The following ABL2 variants were observed in gnomAD, a reference collection of about 807,000 sequenced individuals.
ABL2 encodes ABL proto-oncogene 2, non-receptor tyrosine kinase, also known as tyrosine-protein kinase ABL2.
ABL2 carries 49 observed loss-of-function variants against 107.7 expected under a neutral mutation model. That is an observed-to-expected ratio of 0.45 (90% CI 0.36 to 0.58). ABL2 has a LOEUF of 0.58. Ranked by LOEUF, ABL2 falls within the 20% of genes least tolerant of loss-of-function variation. The pLI, the probability that ABL2 is intolerant of heterozygous loss-of-function variation, is 0.00. For synonymous variants in ABL2, 549 were observed against 548.6 expected (o/e 1.00, Z -0.01); for missense variants, 1,245 against 1,457.0 (o/e 0.85, Z 2.37).
In ABL2 at chr1:179,107,212, T is replaced by A. The variant is rs1439145030; in HGVS notation, c.*506A>T. ...TCTTATTACAGCAGCAATGGCCTTG[T>A]GGAAGCAAGGCTAACAGCTACTTCC... On this transcript the variant is annotated 3_prime_UTR_variant, in exon 12 of 12. Transcript: ENST00000502732. 8.5e-6 allele frequency: 2 copies of A among 234,816 alleles called. No individual in the cohort carries two copies. The highest frequency in any genetic ancestry group is 1.2e-4 in the East Asian group (2 of 16,402). The allele number at this position is 234,816 out of a possible 1,614,324, so 14.5% of individuals were successfully genotyped here. A position where few individuals can be genotyped will look rare whatever the true frequency, so the allele number is the denominator to read the frequency against.
Position 179,110,287 on chromosome 1 carries a change from G to A in ABL2, c.1820C>T (p.Ala607Val), listed in dbSNP as rs185583542. ...ACCTGCTAAGGGACCCATACCTGGT[G>A]CTAAACTGGAAGCAGAATTTTCTGT... The part of the protein sequence containing the change: ...DATENSASSL[A>V]PGFIRGAQAS... Residue 607 changes from alanine (A) to valine (V), a missense_variant, in exon 11 of 12, where the codon GCA becomes GTA. Physicochemically the swap from Ala to Val is moderately conservative, Grantham distance 64. Transcript: ENST00000502732. 21 of 1,614,192 alleles carry A rather than the reference G, an allele frequency of 1.3e-5. No individual in the cohort carries two copies. In the Middle Eastern group the frequency reaches 5.0e-4, roughly 38 times the overall value.
At position 179,206,215 on chromosome 1, in the gene ABL2, C is replaced by T. The variant is rs367885677; in HGVS notation, c.157+23026G>A. Among the ~76,000 whole-genome samples the T allele has an allele frequency of 3.5e-4, 54 of 152,194 alleles. No homozygotes were observed. The East Asian group carries it at 9.3e-3, about 26-fold the overall frequency. On this transcript the variant is annotated intron_variant, in intron 1 of 11. Coordinates refer to ENST00000502732, the MANE Select transcript of ABL2 (RefSeq NM_007314.4). ...ACTGTGATATTGGCACATTATTTGA[C>T]AGGCAAATTAAGAGAACATAAAGTG...
At chr1:179,174,887 C>A (rs1278517555) in intron 1 of ABL2, among the ~76,000 whole-genome samples, 1 of 116,830 alleles carries the variant, frequency 8.6e-6, no homozygotes. Flanking sequence ...AGAGCAGAGA[C>A]TCTGTCTCAA....
chr1:179,105,830 C>T lies in ABL2; in HGVS notation c.*1888G>A. On this transcript the variant is annotated 3_prime_UTR_variant, in exon 12 of 12. Coordinates refer to ENST00000502732, the MANE Select transcript of ABL2 (RefSeq NM_007314.4). ...TATTCTAGCCCAATTCATATAATCT[C>T]AACAATTCTTAATTTCATTAATATT... is the stretch of plus-strand genomic sequence containing the variant. 1 of 224,894 alleles carries T rather than the reference C, an allele frequency of 4.4e-6. No individual in the cohort carries two copies. The highest frequency in any genetic ancestry group is 8.9e-6 in the Non-Finnish European group (1 of 112,926). The allele number at this position is 224,894 out of a possible 1,614,324, so 13.9% of individuals were successfully genotyped here.
At chr1:179,194,965 C>A (rs945738278) in intron 1 of ABL2, among the ~76,000 whole-genome samples, 1 of 152,102 alleles carries the variant, frequency 6.6e-6, no homozygotes, top group African/African-American at 2.4e-5. Context: ...TGCCCAACAT[C>A]ACTAATAATT....
chr1:179,175,290 G>GATGTCAATGCCAGAGAGAGAAA (rs547260292), intron 1 of ABL2, among the ~76,000 whole-genome samples: 3,339 of 152,180 alleles, frequency 0.022, 64 homozygotes, highest in Middle Eastern at 0.054. Context: ...ATAGCAATAG[G>GATGTCAATGCCAGAGAGAGAAA]ATGTCAATGC....
intron 1 of ABL2, among the ~76,000 whole-genome samples, chr1:179,198,295 G>A (rs1661442230): frequency 6.6e-6 from 1 of 151,958 alleles, no homozygotes; most frequent in Admixed American, 6.6e-5. Flanking sequence ...ACAAAATGTT[G>A]ACAATTAGGG....
chr1:179,159,547 C>G (rs1024108274), intron 1 of ABL2, among the ~76,000 whole-genome samples: 1 of 152,158 alleles, frequency 6.6e-6, no homozygotes, highest in Non-Finnish European at 1.5e-5. Flanking sequence ...AATATGGTAG[C>G]CTGTCACTTC....
chr1:179,161,931 G>A lies in ABL2; in HGVS notation c.158-28557C>T, dbSNP rs1029078314. Among the ~76,000 whole-genome samples the A allele has an allele frequency of 3.9e-5, 6 of 152,024 alleles. No homozygotes were observed. The South Asian group carries it at 8.3e-4, about 21-fold the overall frequency. Reference sequence around the variant, plus strand: ...CTTGAGGCTGAGAGTTCAACCCCTCGTGCTCTCTTTCTCACTCTCTTTGCC... The same window carrying A: ...CTTGAGGCTGAGAGTTCAACCCCTCATGCTCTCTTTCTCACTCTCTTTGCC... On this transcript the variant is annotated intron_variant, in intron 1 of 11. Transcript: ENST00000502732.
intron 1 of ABL2, among the ~76,000 whole-genome samples, chr1:179,174,922 AT>A (rs1004721060): frequency 4.2e-4 from 59 of 140,824 alleles, no homozygotes; most frequent in South Asian, 1.1e-3. Context: ...AATAAAAAAA[AT>A]AATAATAATA....
Position 179,229,518 on chromosome 1 carries a change from T to G in ABL2, c.-121A>C. 1 of 1,115,320 alleles carries G rather than the reference T, an allele frequency of 9.0e-7. No individual in the cohort carries two copies. The highest frequency in any genetic ancestry group is 1.2e-6 in the Non-Finnish European group (1 of 850,542). 69.1% of individuals were successfully genotyped at this position (1,115,320 alleles called of 1,614,324 possible). A position where few individuals can be genotyped will look rare whatever the true frequency, so the allele number is the denominator to read the frequency against. On this transcript the variant is annotated 5_prime_UTR_variant, in exon 1 of 12. Transcript: ENST00000502732. The stretch of plus-strand genomic sequence containing the variant: ...TCCCAGCCCAGGCCCTGGCCCTGAG[T>G]GGCTGGGCCACCGGCGGCTCCGCAC...
At chr1:179,176,053 A>C (rs951543307) in intron 1 of ABL2, among the ~76,000 whole-genome samples, 2 of 151,790 alleles carry the variant, frequency 1.3e-5, no homozygotes, top group Admixed American at 6.6e-5. Flanking sequence ...ACGGGTTTTC[A>C]CCATGTTGGC....
At chr1:179,170,288 G>C (rs1349785340) in intron 1 of ABL2, among the ~76,000 whole-genome samples, 1 of 152,086 alleles carries the variant, frequency 6.6e-6, no homozygotes, top group Non-Finnish European at 1.5e-5. Context: ...CTCTTAAAAA[G>C]ATCCCACCTC....
chr1:179,136,433 CAT>C (rs1400180343), intron 1 of ABL2, among the ~76,000 whole-genome samples: 1 of 152,186 alleles, frequency 6.6e-6, no homozygotes, highest in South Asian at 2.1e-4. Context: ...CTCCCTGAAA[CAT>C]GTGCTGCATC....
At chr1:179,229,208 C>CCCCCCCCCCCCCCAAA in intron 1 of ABL2, 33 bp downstream of exon 1, 12 of 1,488,042 alleles carry the variant, frequency 8.1e-6, no homozygotes, top group East Asian at 2.8e-5. Flanking sequence ...CGGCCTCCCC[C>CCCCCCCCCCCCCCAAA]ACGCTCTCAT....
At position 179,125,002 on chromosome 1, in the gene ABL2, T is replaced by C. The variant is rs552259520; in HGVS notation, c.687+1375A>G. Among the ~76,000 whole-genome samples, 307 of 152,300 alleles carry C rather than the reference T, an allele frequency of 2.0e-3. 1 individual carries two copies. The highest frequency in any genetic ancestry group is 7.2e-3 in the African/African-American group (298 of 41,570). On this transcript the variant is annotated intron_variant, in intron 4 of 11. Transcript: ENST00000502732. ...TTAGGAGTCCTTCCCACTCCCCACA[T>C]CCTCATCCCCTGGCTAATACTAATC... is the stretch of plus-strand genomic sequence containing the variant.
In ABL2 at chr1:179,105,891, A is replaced by G. The variant is rs570254223; in HGVS notation, c.*1827T>C. On this transcript the variant is annotated 3_prime_UTR_variant, in exon 12 of 12. Transcript: ENST00000502732. ...CAAATAAGATAATGGAAAACAATTCAGCATAACAACACTGCACTAAAAGAG... is the reference window on the plus strand; with the variant it reads ...CAAATAAGATAATGGAAAACAATTCGGCATAACAACACTGCACTAAAAGAG... 8.9e-6 allele frequency: 2 copies of G among 224,244 alleles called. No individual in the cohort carries two copies. Among genetic ancestry groups the G allele is most frequent in the South Asian group, 3.7e-4 (2 of 5,438 alleles). The allele number at this position is 224,244 out of a possible 1,614,324, so 13.9% of individuals were successfully genotyped here.
intron 1 of ABL2, among the ~76,000 whole-genome samples, chr1:179,156,112 A>G (rs112847782): frequency 1.3e-5 from 2 of 152,246 alleles, no homozygotes; most frequent in African/African-American, 4.8e-5. Flanking sequence ...AAAAAACAAA[A>G]CAAAACAACA....
Position 179,100,029 on chromosome 1 carries a change from T to C in ABL2, c.*7689A>G. The C allele has an allele frequency of 4.3e-6, 1 of 232,604 alleles. No homozygotes were observed. The allele number at this position is 232,604 out of a possible 1,614,324, so 14.4% of individuals were successfully genotyped here. A position where few individuals can be genotyped will look rare whatever the true frequency, so the allele number is the denominator to read the frequency against. On this transcript the variant is annotated 3_prime_UTR_variant, in exon 12 of 12. Coordinates refer to ENST00000502732, the MANE Select transcript of ABL2 (RefSeq NM_007314.4). ...CACGACAGCAATGCACGTGTATTTA[T>C]GGACACAAACACACACCAGCTATAC...
Sources: allele counts gnomAD v4.1 joint callset (sites outside exome capture counted in the v4.1 genomes callset), GRCh38; gene constraint gnomAD v4.1.1; transcripts MANE v1.5; gene names NCBI Gene and HGNC (gene_info 2026-07-23, HGNC 2026-07-21).